LCMT2: variants seen among roughly 807,000 people sequenced by gnomAD.
The protein encoded by LCMT2 is tRNA wybutosine-synthesizing protein 4.
In LCMT2, 34 loss-of-function variants were observed where a neutral mutation model predicts 42.0. That is an observed-to-expected ratio of 0.81 (90% CI 0.62 to 1.08). LCMT2 has a LOEUF of 1.08. Among genes scored for constraint, LCMT2 ranks in the 50% least tolerant of loss-of-function variants. The pLI is 0.00. For synonymous variants in LCMT2, 445 were observed against 369.5 expected, an observed-to-expected ratio of 1.20 and a Z score of -2.34; for missense variants, 1,091 against 889.4, an observed-to-expected ratio of 1.23 and a Z score of -2.88.
At position 43,324,942 on chromosome 15, in the gene LCMT2, TG is replaced by T. The variant is rs1194876846; in HGVS notation, c.*3486del. The T allele has an allele frequency of 6.6e-6, 1 of 152,226 alleles. No homozygotes were observed. Among genetic ancestry groups the T allele is most frequent in the African/African-American group, 2.4e-5 (1 of 41,448 alleles). The allele number at this position is 152,226 out of a possible 1,614,324, so 9.4% of individuals were successfully genotyped here. The stretch of plus-strand genomic sequence containing the variant: ...AAAGACCAAGGAAACACCTGGGTCC[TG>T]GAACATATTGGATACATACCATCTC... On this transcript the variant is annotated 3_prime_UTR_variant, in exon 1 of 1. Coordinates refer to ENST00000305641, the MANE Select transcript of LCMT2 (RefSeq NM_014793.5).
chr15:43,325,603 C>T lies in LCMT2; in HGVS notation c.*2826G>A, dbSNP rs2043113604. Reference sequence around the variant, plus strand: ...TCTCGGGAGAACAAGCCCTGTTACTCATAAGGCGCCCTAATGGACAGTGCT... The same window carrying T: ...TCTCGGGAGAACAAGCCCTGTTACTTATAAGGCGCCCTAATGGACAGTGCT... On this transcript the variant is annotated 3_prime_UTR_variant, in exon 1 of 1. Coordinates refer to ENST00000305641, the MANE Select transcript of LCMT2 (RefSeq NM_014793.5). 6.6e-6 allele frequency: 1 copy of T among 152,184 alleles called. No homozygotes were observed. 9.4% of individuals were successfully genotyped at this position (152,184 alleles called of 1,614,324 possible). A position where few individuals can be genotyped will look rare whatever the true frequency, so the allele number is the denominator to read the frequency against.
chr15:43,327,046 C>G lies in LCMT2; in HGVS notation c.*1383G>C, dbSNP rs1358493551. The G allele has an allele frequency of 6.6e-6, 1 of 152,150 alleles. No homozygotes were observed. Among genetic ancestry groups the G allele is most frequent in the African/African-American group, 2.4e-5 (1 of 41,442 alleles). 9.4% of individuals were successfully genotyped at this position (152,150 alleles called of 1,614,324 possible). A position where few individuals can be genotyped will look rare whatever the true frequency, so the allele number is the denominator to read the frequency against. ...CACAAGGTATGCATAATTTAGATGA[C>G]AAATTAAGGCTCAAATTTTAAGGAT... On this transcript the variant is annotated 3_prime_UTR_variant, in exon 1 of 1. Coordinates refer to ENST00000305641, the MANE Select transcript of LCMT2 (RefSeq NM_014793.5).
chr15:43,328,678 G>C lies in LCMT2; in HGVS notation c.1812C>G (p.Ile604Met). The change falls in exon 1 of 1, where the codon ATC becomes ATG. Residue 604 changes from isoleucine (I) to methionine (M), a missense_variant. Ile to Met is a conservative substitution (Grantham distance 10). Transcript: ENST00000305641. ...LNGKLLLVGG[I>M]WIHSSSFPGV... ...CAGGAAATGAGGAGGAATGAATCCA[G>C]ATCCCTCCAACCAGTAACAGCTTTC... 1 of 1,614,216 alleles carries C rather than the reference G, an allele frequency of 6.2e-7. No homozygotes were observed. Among genetic ancestry groups the C allele is most frequent in the Non-Finnish European group, 8.5e-7 (1 of 1,180,036 alleles).
chr15:43,329,686 G>T lies in LCMT2; in HGVS notation c.804C>A (p.Ala268=). ...FLQAGWTACG[A]VDMNEFYHCF... is the part of the protein sequence containing the mutation. ...AGTGATAGAATTCATTCATGTCCAC[G>T]GCACCGCAGGCGGTCCAGCCAGCTT... Residue 268 remains alanine, a synonymous_variant, in exon 1 of 1, where the codon GCC becomes GCA. Coordinates refer to ENST00000305641, the MANE Select transcript of LCMT2 (RefSeq NM_014793.5). 1 of 1,613,530 alleles carries T rather than the reference G, an allele frequency of 6.2e-7. No homozygotes were observed. The highest frequency in any genetic ancestry group is 8.5e-7 in the Non-Finnish European group (1 of 1,179,936).
At position 43,330,336 on chromosome 15, in the gene LCMT2, T is replaced by G. The variant is rs1351080233; in HGVS notation, c.154A>C (p.Ile52Leu). 5 of 1,601,374 alleles carry G rather than the reference T, an allele frequency of 3.1e-6. No homozygotes were observed. Among genetic ancestry groups the G allele is most frequent in the South Asian group, 1.1e-5 (1 of 90,634 alleles). Residue 52 changes from isoleucine to leucine, a missense_variant, in exon 1 of 1, where the codon ATT becomes CTT. Physicochemically the swap from Ile to Leu is conservative, Grantham distance 5 (BLOSUM62 2). Coordinates refer to ENST00000305641, the MANE Select transcript of LCMT2 (RefSeq NM_014793.5). ...VPGAARRAPLIHRGYYVRARA... is the reference protein window; with the variant it reads ...VPGAARRAPLLHRGYYVRARA... ...GCGCGGACGTAGTAGCCTCGGTGAA[T>G]GAGCGGTGCGCGGCGCGCCGCGCCC...
rs1043162505 is a variant in LCMT2, at chr15:43,328,313, T to C, written c.*116A>G. On this transcript the variant is annotated 3_prime_UTR_variant, in exon 1 of 1. Coordinates refer to ENST00000305641, the MANE Select transcript of LCMT2 (RefSeq NM_014793.5). ...TTTCACTTTTTGCACTGAATAGTGC[T>C]AAGGGAAAAAAAGGATGGGGAAAGG... 1 of 1,167,042 alleles carries C rather than the reference T, an allele frequency of 8.6e-7. No homozygotes were observed. Among genetic ancestry groups the C allele is most frequent in the African/African-American group, 1.5e-5 (1 of 64,640 alleles). The allele number at this position is 1,167,042 out of a possible 1,614,324, so 72.3% of individuals were successfully genotyped here.
In LCMT2 at chr15:43,330,454, C is replaced by G. The variant is rs776841082; in HGVS notation, c.36G>C (p.Ala12=). 2.0e-6 allele frequency: 3 copies of G among 1,530,100 alleles called. No homozygotes were observed. The African/African-American group carries it at 4.2e-5, about 21-fold the overall frequency. The allele number at this position is 1,530,100 out of a possible 1,614,324, so 94.8% of individuals were successfully genotyped here. A position where few individuals can be genotyped will look rare whatever the true frequency, so the allele number is the denominator to read the frequency against. Residue 12 remains alanine, a synonymous_variant, in exon 1 of 1, where the codon GCG becomes GCC. Transcript: ENST00000305641. ...GPRSRERRAG[A]VQNTNDSSAL... is the part of the protein sequence containing the mutation. ...CGCTGCTGTCGTTGGTGTTCTGTAC[C>G]GCGCCTGCCCGACGCTCACGGCTCC...
chr15:43,329,539 G>A lies in LCMT2; in HGVS notation c.951C>T (p.Leu317=). ...FILAASRGDT[L]SHTLVFPSSE... ...AGGATGGAAACACTAGGGTGTGGGA[G>A]AGGGTGTCTCCCCTAGAAGCTGCCA... The change falls in exon 1 of 1, where the codon CTC becomes CTT. Residue 317 remains leucine, a synonymous_variant. Transcript: ENST00000305641. The A allele has an allele frequency of 6.2e-7, 1 of 1,614,214 alleles. No individual in the cohort carries two copies. The highest frequency in any genetic ancestry group is 8.5e-7 in the Non-Finnish European group (1 of 1,180,042).
chr15:43,329,592 G>A lies in LCMT2; in HGVS notation c.898C>T (p.His300Tyr), dbSNP rs534184332. 5 of 1,614,168 alleles carry A rather than the reference G, an allele frequency of 3.1e-6. No individual in the cohort carries two copies. Among genetic ancestry groups the A allele is most frequent in the South Asian group, 2.2e-5 (2 of 91,084 alleles). The change falls in exon 1 of 1, where the codon CAT becomes TAT. Residue 300 changes from histidine to tyrosine, a missense_variant. His to Tyr is a moderately conservative substitution (Grantham distance 83, BLOSUM62 2). Transcript: ENST00000305641. ...ATGAAATAATGGGCGCACTTCAGAT[G>A]CCACTCCTCAAATTCGTCAAAGGGT... ...IEPFDEFEEWHLKCAHYFILA... is the reference protein window; with the variant it reads ...IEPFDEFEEWYLKCAHYFILA...
At position 43,328,276 on chromosome 15, in the gene LCMT2, T is replaced by C. The variant is rs1566854013; in HGVS notation, c.*153A>G. 3 of 795,178 alleles carry C rather than the reference T, an allele frequency of 3.8e-6. No individual in the cohort carries two copies. The highest frequency in any genetic ancestry group is 3.9e-6 in the Non-Finnish European group (2 of 508,606). 49.3% of individuals were successfully genotyped at this position (795,178 alleles called of 1,614,324 possible). ...GATTGTTTCTAGGTATTTTACCTATTTTACCAACCTTTTTCACTTTTTGCA... is the reference window on the plus strand; with the variant it reads ...GATTGTTTCTAGGTATTTTACCTATCTTACCAACCTTTTTCACTTTTTGCA... On this transcript the variant is annotated 3_prime_UTR_variant, in exon 1 of 1. Transcript: ENST00000305641.
In LCMT2 at chr15:43,323,734, T is replaced by A. The variant is rs1469573115; in HGVS notation, c.*4695A>T. 6.6e-6 allele frequency: 1 copy of A among 152,240 alleles called. No individual in the cohort carries two copies. The highest frequency in any genetic ancestry group is 2.4e-5 in the African/African-American group (1 of 41,456). The allele number at this position is 152,240 out of a possible 1,614,324, so 9.4% of individuals were successfully genotyped here. A position where few individuals can be genotyped will look rare whatever the true frequency, so the allele number is the denominator to read the frequency against. ...CTTTACCTGGGTCAGAAAAGTTGAATGTATTTCCAAAGACTCTTAAACTGT... is the reference window on the plus strand; with the variant it reads ...CTTTACCTGGGTCAGAAAAGTTGAAAGTATTTCCAAAGACTCTTAAACTGT... On this transcript the variant is annotated 3_prime_UTR_variant, in exon 1 of 1. Coordinates refer to ENST00000305641, the MANE Select transcript of LCMT2 (RefSeq NM_014793.5).
Position 43,328,745 on chromosome 15 carries a change from G to T in LCMT2, c.1745C>A (p.Pro582His), listed in dbSNP as rs749480012. 6.2e-7 allele frequency: 1 copy of T among 1,613,858 alleles called. No homozygotes were observed. The highest frequency in any genetic ancestry group is 1.1e-5 in the South Asian group (1 of 91,078). The change falls in exon 1 of 1, where the codon CCC becomes CAC. Residue 582 changes from proline (P) to histidine (H), a missense_variant. Pro to His is a moderately conservative substitution (Grantham distance 77). Coordinates refer to ENST00000305641, the MANE Select transcript of LCMT2 (RefSeq NM_014793.5). ...TGTGTGGGAGTACCTTGGGGTAATGGGAGGCTGGATGTCTACTGACTCCCA... is the reference window on the plus strand; with the variant it reads ...TGTGTGGGAGTACCTTGGGGTAATGTGAGGCTGGATGTCTACTGACTCCCA... ...FLWESVDIQP[P>H]ITPRYSHTAH...
chr15:43,330,387 C>T lies in LCMT2; in HGVS notation c.103G>A (p.Asp35Asn), dbSNP rs767937376. Residue 35 changes from aspartate to asparagine, a missense_variant, in exon 1 of 1, where the codon GAC (aspartate) becomes AAC (asparagine). Transcript: ENST00000305641. ...GGAACCAGCAACGCGGCAAAGGGGTCCTGCACGTACCCGCGCGCGGCCAGG... is the reference window on the plus strand; with the variant it reads ...GGAACCAGCAACGCGGCAAAGGGGTTCTGCACGTACCCGCGCGCGGCCAGG... ...RSLAARGYVQ[D>N]PFAALLVPGA... 2.0e-5 allele frequency: 31 copies of T among 1,584,932 alleles called. No homozygotes were observed. The highest frequency in any genetic ancestry group is 2.6e-5 in the Non-Finnish European group (30 of 1,171,862).
At position 43,329,429 on chromosome 15, in the gene LCMT2, TTTGGG is replaced by T. The variant is rs1474971920; in HGVS notation, c.1056_1060del (p.Asn354GlufsTer42). Reference sequence around the variant, plus strand: ...AGAGGCGTGGCCATATCTCTTCAGGTTTGGGACCTGGCCCTCGCTACTGACTACGC... The same window carrying T: ...AGAGGCGTGGCCATATCTCTTCAGGTACCTGGCCCTCGCTACTGACTACGC... On this transcript the variant is annotated frameshift_variant, in exon 1 of 1. Transcript: ENST00000305641. LOFTEE classifies it high-confidence loss of function. 3.7e-6 allele frequency: 6 copies of T among 1,613,982 alleles called. No homozygotes were observed. The highest frequency in any genetic ancestry group is 5.1e-6 in the Non-Finnish European group (6 of 1,180,034).
Position 43,329,492 on chromosome 15 carries a change from T to C in LCMT2, c.998A>G (p.Asn333Ser), listed in dbSNP as rs1171842831. 1.9e-6 allele frequency: 3 copies of C among 1,614,116 alleles called. No homozygotes were observed. The highest frequency in any genetic ancestry group is 2.2e-5 in the South Asian group (2 of 91,084). Reference sequence around the variant, plus strand: ...GAATACCCCTGAAGGCGAAGCAGGATTTACGCGAGGAAATGCCTCTGAGGA... The same window carrying C: ...GAATACCCCTGAAGGCGAAGCAGGACTTACGCGAGGAAATGCCTCTGAGGA... The part of the protein sequence containing the change: ...FPSSEAFPRV[N>S]PASPSGVFPA... Residue 333 changes from asparagine to serine, a missense_variant, in exon 1 of 1, where the codon AAT (asparagine) becomes AGT (serine). Physicochemically the swap from Asn to Ser is conservative, Grantham distance 46. Transcript: ENST00000305641.
Position 43,328,606 on chromosome 15 carries a change from C to G in LCMT2, c.1884G>C (p.Gln628His). The G allele has an allele frequency of 6.2e-7, 1 of 1,614,198 alleles. No individual in the cohort carries two copies. Among genetic ancestry groups the G allele is most frequent in the Non-Finnish European group, 8.5e-7 (1 of 1,180,024 alleles). The change falls in exon 1 of 1, where the codon CAG becomes CAC. Residue 628 changes from glutamine (Q) to histidine (H), a missense_variant. Transcript: ENST00000305641. The stretch of plus-strand genomic sequence containing the variant: ...GCCATGGCACATATGTTGTGTCAAT[C>G]TGATACTCAGAGCTCAATCCTGTAG... ...NLTTGLSSEY[Q>H]IDTTYVPWPL...
rs770944136 is a variant in LCMT2, at chr15:43,328,746, G to T, written c.1744C>A (p.Pro582Thr). The change falls in exon 1 of 1, where the codon CCC (proline) becomes ACC (threonine). Residue 582 changes from proline to threonine, a missense_variant. Physicochemically the swap from Pro to Thr is conservative, Grantham distance 38 (BLOSUM62 -1). Coordinates refer to ENST00000305641, the MANE Select transcript of LCMT2 (RefSeq NM_014793.5). ...FLWESVDIQPPITPRYSHTAH... is the reference protein window; with the variant it reads ...FLWESVDIQPTITPRYSHTAH... ...GTGTGGGAGTACCTTGGGGTAATGG[G>T]AGGCTGGATGTCTACTGACTCCCAG... The T allele has an allele frequency of 5.6e-6, 9 of 1,613,846 alleles. No individual in the cohort carries two copies. Among genetic ancestry groups the T allele is most frequent in the Non-Finnish European group, 7.6e-6 (9 of 1,180,038 alleles).
In LCMT2 at chr15:43,329,334, C is replaced by T. The variant is rs749805527; in HGVS notation, c.1156G>A (p.Val386Met). 6.2e-7 allele frequency: 1 copy of T among 1,614,142 alleles called. No homozygotes were observed. Among genetic ancestry groups the T allele is most frequent in the Non-Finnish European group, 8.5e-7 (1 of 1,180,046 alleles). The part of the protein sequence containing the change: ...FGEQEGRHCR[V>M]SQFHLLSRDC... ...CTTGAGAGCAAGTGAAACTGGCTCA[C>T]TCGGCAGTGCCGCCCCTCCTGCTCT... Residue 386 changes from valine (V) to methionine (M), a missense_variant, in exon 1 of 1, where the codon GTG becomes ATG. By Grantham distance (21) the Val-to-Met change is conservative (BLOSUM62 1). Coordinates refer to ENST00000305641, the MANE Select transcript of LCMT2 (RefSeq NM_014793.5).
In LCMT2 at chr15:43,329,055, A is replaced by G. The variant is rs1237017176; in HGVS notation, c.1435T>C (p.Cys479Arg). ...ACTTCTGTTGTTGAATGCCGCCAACAACACAAAGTGGAATCATCCTTTCGG... is the reference window on the plus strand; with the variant it reads ...ACTTCTGTTGTTGAATGCCGCCAACGACACAAAGTGGAATCATCCTTTCGG... Reference protein sequence around the residue: ...AGRKDDSTLCCWRHSTTEVSC... With the variant: ...AGRKDDSTLCRWRHSTTEVSC... Residue 479 changes from cysteine to arginine, a missense_variant, in exon 1 of 1, where the codon TGT (cysteine) becomes CGT (arginine). By Grantham distance (180) the Cys-to-Arg change is radical (BLOSUM62 -3). Coordinates refer to ENST00000305641, the MANE Select transcript of LCMT2 (RefSeq NM_014793.5). 1 of 1,614,162 alleles carries G rather than the reference A, an allele frequency of 6.2e-7. No individual in the cohort carries two copies.
Sources: gnomAD v4.1 joint callset for allele counts on GRCh38, gnomAD v4.1.1 for gene constraint, MANE v1.5 for transcripts, NCBI Gene and HGNC (gene_info 2026-07-23, HGNC 2026-07-21) for gene names.